FBXO47: variants seen among roughly 807,000 people sequenced by gnomAD.
FBXO47 encodes F-box protein 47.
Under a neutral mutation model 53.9 loss-of-function variants are expected in FBXO47, and 34 were observed. That is an observed-to-expected ratio of 0.63 (90% CI 0.48 to 0.84). The LOEUF (loss-of-function observed/expected upper bound fraction) is 0.84. Ranked by LOEUF, FBXO47 falls within the 40% of genes least tolerant of loss-of-function variation. FBXO47 has a pLI of 0.00. For synonymous variants in FBXO47, 165 were observed against 181.6 expected (o/e 0.91, Z 0.73); for missense variants, 485 against 541.3 (o/e 0.90, Z 1.03).
At chr17:38,962,699 A>C in intron 2 of FBXO47, 146 bp downstream of exon 2, 1 of 386,124 alleles carries the variant, frequency 2.6e-6, no homozygotes, top group East Asian at 4.1e-5. Context: ...CCTGACAATA[A>C]TGAAACTTTA....
At chr17:38,939,323 A>AATATATATATATATATATATATAT (rs1555559725) in intron 9 of FBXO47, among the ~76,000 whole-genome samples, 1 of 50,174 alleles carries the variant, frequency 2.0e-5, no homozygotes, top group East Asian at 5.5e-4. Flanking sequence ...AAAAAAAAAA[A>AATATATATATATATATATATATAT]ATATATATAT....
At chr17:38,962,563 G>A (rs1290530807) in intron 2 of FBXO47, among the ~76,000 whole-genome samples, 2 of 150,808 alleles carry the variant, frequency 1.3e-5, no homozygotes, top group Non-Finnish European at 3.0e-5. Flanking sequence ...CCGAGATTAC[G>A]CCACTGCACT....
At chr17:38,949,603 C>T (rs934041703) in intron 6 of FBXO47, among the ~76,000 whole-genome samples, 1 of 152,132 alleles carries the variant, frequency 6.6e-6, no homozygotes, top group African/African-American at 2.4e-5. Context: ...GACTATTTTG[C>T]AAACTGACTG....
At chr17:38,963,243 T>A (rs1023763321) in intron 1 of FBXO47, among the ~76,000 whole-genome samples, 192 bp from the exon 2 acceptor site, 4 of 152,090 alleles carry the variant, frequency 2.6e-5, no homozygotes, top group African/African-American at 9.7e-5. Flanking sequence ...AATGGCGTAA[T>A]CTCGGCTCAC....
intron 6 of FBXO47, among the ~76,000 whole-genome samples, chr17:38,951,203 T>A (rs926449791): frequency 2.0e-5 from 3 of 151,500 alleles, no homozygotes; most frequent in Non-Finnish European, 2.9e-5. Flanking sequence ...CTATTTATTT[T>A]TTTATTTATC....
Position 38,945,955 on chromosome 17 carries a change from A to C in FBXO47, c.617-819T>G, listed in dbSNP as rs1250340841. On this transcript the variant is annotated intron_variant, in intron 6 of 10. Transcript: ENST00000378079. ...TGGCTCAAAAAAAAAAAAAATATATATATATATATAAATATATAAATATAT... is the reference window on the plus strand; with the variant it reads ...TGGCTCAAAAAAAAAAAAAATATATCTATATATATAAATATATAAATATAT... Among the ~76,000 whole-genome samples, 3 of 135,966 alleles carry C rather than the reference A, an allele frequency of 2.2e-5. No individual in the cohort carries two copies. The East Asian group carries it at 6.3e-4, about 29-fold the overall frequency. 89.2% of individuals were successfully genotyped at this position (135,966 alleles called of 152,430 possible).
intron 6 of FBXO47, among the ~76,000 whole-genome samples, chr17:38,946,024 T>A (rs1284685946): frequency 1.7e-5 from 2 of 116,488 alleles, no homozygotes; most frequent in African/African-American, 7.2e-5. Flanking sequence ...TATAAAAATA[T>A]AAAAATATAT....
intron 10 of FBXO47, among the ~76,000 whole-genome samples, chr17:38,937,739 C>T (rs906499207): frequency 7.2e-5 from 11 of 152,184 alleles, no homozygotes; most frequent in East Asian, 1.9e-4. Context: ...ACAATCTTGG[C>T]TCACTGCAAG....
At chr17:38,959,004 T>C (rs549317986) in intron 3 of FBXO47, among the ~76,000 whole-genome samples, 153 of 152,140 alleles carry the variant, frequency 1.0e-3, no homozygotes, top group Admixed American at 2.6e-3. Context: ...CTGGGCACAA[T>C]TGATCCTCCT....
intron 7 of FBXO47, 47 bp from the exon 8 acceptor site, chr17:38,943,783 G>A (rs1352319303): frequency 6.5e-7 from 1 of 1,534,978 alleles, no homozygotes; most frequent in Non-Finnish European, 8.8e-7. Context: ...TTGGCTTTGT[G>A]ATAAAGACTT....
intron 10 of FBXO47, 30 bp downstream of exon 10, chr17:38,938,543 C>T (rs1203131827): frequency 6.6e-7 from 1 of 1,519,634 alleles, no homozygotes; most frequent in Non-Finnish European, 9.0e-7. Context: ...TTTTTACGCA[C>T]ACCTGTGCAC....
intron 10 of FBXO47, 63 bp downstream of exon 10, chr17:38,938,510 T>G: frequency 8.2e-7 from 1 of 1,213,326 alleles, no homozygotes; most frequent in Non-Finnish European, 1.1e-6. Flanking sequence ...AATATCTCTG[T>G]TTTAGGTGGA....
intron 2 of FBXO47, 100 bp from the exon 3 acceptor site, chr17:38,962,147 C>G: frequency 1.1e-6 from 1 of 895,030 alleles, no homozygotes; most frequent in Non-Finnish European, 1.7e-6. Context: ...CAATCGTCAT[C>G]ATTATCACCA....
intron 6 of FBXO47, among the ~76,000 whole-genome samples, chr17:38,946,897 CATATATAA>C (rs1904934437): frequency 1.0e-5 from 1 of 97,924 alleles, no homozygotes; most frequent in African/African-American, 4.4e-5. Flanking sequence ...TATATATAAA[CATATATAA>C]ATATATATAA....
intron 6 of FBXO47, among the ~76,000 whole-genome samples, chr17:38,950,997 C>T (rs1210297863): frequency 1.3e-5 from 2 of 152,026 alleles, no homozygotes; most frequent in Non-Finnish European, 1.5e-5. Context: ...GTCTAGTGGG[C>T]TCAAGCTATC....
In FBXO47 at chr17:38,937,168, T is replaced by A; in HGVS notation, c.*7A>T. On this transcript the variant is annotated 3_prime_UTR_variant, in exon 11 of 11. Transcript: ENST00000378079. ...GACGTTCTCTAAAGGCAAGGCTTTC[T>A]GAGGATTTAGGTAGACAGAGGAGTA... 1 of 1,332,864 alleles carries A rather than the reference T, an allele frequency of 7.5e-7. No individual in the cohort carries two copies. Among genetic ancestry groups the A allele is most frequent in the Non-Finnish European group, 1.1e-6 (1 of 935,032 alleles). The allele number at this position is 1,332,864 out of a possible 1,614,324, so 82.6% of individuals were successfully genotyped here.
intron 6 of FBXO47, among the ~76,000 whole-genome samples, chr17:38,948,369 C>T (rs888189422): frequency 3.3e-5 from 5 of 151,808 alleles, no homozygotes; most frequent in East Asian, 3.9e-4. Flanking sequence ...CTCCTCACCA[C>T]GCCTGGCTGA....
chr17:38,943,651 A>G lies in FBXO47; in HGVS notation c.879T>C (p.Tyr293=), dbSNP rs746143118. 3 of 1,610,316 alleles carry G rather than the reference A, an allele frequency of 1.9e-6. No individual in the cohort carries two copies. Among genetic ancestry groups the G allele is most frequent in the Non-Finnish European group, 2.5e-6 (3 of 1,178,294 alleles). ...KGLADAIKLL[Y]DASTKEWTAD... ...CTGTCCACTCTTTAGTGCTAGCGTC[A>G]TATAGTAACTTAATGGCATCAGCCA... is the stretch of plus-strand genomic sequence containing the variant. The change falls in exon 8 of 11, where the codon TAT becomes TAC. Residue 293 remains tyrosine (Y), a synonymous_variant. Transcript: ENST00000378079.
At chr17:38,966,980 C>T (rs1906163065) in intron 1 of FBXO47, among the ~76,000 whole-genome samples, 1 of 151,988 alleles carries the variant, frequency 6.6e-6, no homozygotes, top group Non-Finnish European at 1.5e-5. Context: ...CCTCCCCGCC[C>T]CCCACACCTT....
Sources: allele counts gnomAD v4.1 joint callset (sites outside exome capture counted in the v4.1 genomes callset), GRCh38; gene constraint gnomAD v4.1.1; transcripts MANE v1.5; gene names NCBI Gene and HGNC (gene_info 2026-07-23, HGNC 2026-07-21).